The following EBLN1 variants were observed in gnomAD, a reference collection of about 807,000 sequenced individuals.
EBLN1 encodes the protein endogenous Bornavirus-like nucleoprotein 1.
In EBLN1, 1 loss-of-function variant was observed where a neutral mutation model predicts 0.8. The observed-to-expected ratio is 1.32, with a 90% CI of 0.47 to 6.26. EBLN1 has a LOEUF of 6.26. EBLN1 is among the 30% of genes most tolerant of loss of function. The pLI is 0.15. For synonymous variants in EBLN1, 158 were observed against 158.5 expected (o/e 1.00, Z 0.02); for missense variants, 396 against 447.9 (o/e 0.88, Z 1.05).
At position 22,208,794 on chromosome 10, in the gene EBLN1, C is replaced by G; in HGVS notation, c.*89G>C. ...GTCAGAGACAGACCAAGATTGAAAA[C>G]AATAGGCAACACTCAGATACTATTT... On this transcript the variant is annotated 3_prime_UTR_variant, in exon 3 of 3. Coordinates refer to ENST00000422359, the MANE Select transcript of EBLN1 (RefSeq NM_001394757.1). 1.5e-6 allele frequency: 2 copies of G among 1,354,756 alleles called. No homozygotes were observed. The highest frequency in any genetic ancestry group is 3.3e-5 in the South Asian group (2 of 61,100). The allele number at this position is 1,354,756 out of a possible 1,614,324, so 83.9% of individuals were successfully genotyped here.
chr10:22,216,863 T>C (rs957210456), intron 1 of EBLN1, among the ~76,000 whole-genome samples: 3 of 152,178 alleles, frequency 2.0e-5, no homozygotes, highest in African/African-American at 7.2e-5. Flanking sequence ...ATCTCTGTTT[T>C]GCCAAAATCC....
chr10:22,216,435 C>A (rs985295204), intron 1 of EBLN1, among the ~76,000 whole-genome samples: 3 of 152,056 alleles, frequency 2.0e-5, no homozygotes, highest in Admixed American at 2.0e-4. Context: ...TAATATATAA[C>A]CTACTTTGAA....
chr10:22,213,636 T>C (rs1834770966), intron 1 of EBLN1, among the ~76,000 whole-genome samples: 1 of 152,318 alleles, frequency 6.6e-6, no homozygotes, highest in East Asian at 1.9e-4. Context: ...GTGATTTGCA[T>C]AAAATGAGTA....
rs373130648 is a variant in EBLN1, at chr10:22,208,930, A to G, written c.1054T>C (p.Tyr352His). 1.3e-6 allele frequency: 2 copies of G among 1,535,698 alleles called. No individual in the cohort carries two copies. The highest frequency in any genetic ancestry group is 2.4e-5 in the South Asian group (2 of 84,058). ...KISRGSDMDP[Y>H]TLNILRGYGI... ...TAACCGCGAAGGATGTTAAGTGTAT[A>G]TGGATCCATGTCACTTCCTCTGGAG... The change falls in exon 3 of 3, where the codon TAT becomes CAT. Residue 352 changes from tyrosine (Y) to histidine (H), a missense_variant. Physicochemically the swap from Tyr to His is moderately conservative, Grantham distance 83 (BLOSUM62 2). Transcript: ENST00000422359.
chr10:22,212,125 A>T (rs1199374271), intron 2 of EBLN1, among the ~76,000 whole-genome samples: 1 of 152,186 alleles, frequency 6.6e-6, no homozygotes, highest in South Asian at 2.1e-4. Context: ...GCCATAAACC[A>T]CAATGTACTG....
intron 1 of EBLN1, among the ~76,000 whole-genome samples, chr10:22,217,595 A>G (rs1174844546): frequency 6.6e-6 from 1 of 152,228 alleles, no homozygotes; most frequent in Non-Finnish European, 1.5e-5. Context: ...ACGCAAGAAA[A>G]ATGGAAACAA....
At chr10:22,215,231 C>T (rs1477554959) in intron 1 of EBLN1, among the ~76,000 whole-genome samples, 2 of 152,110 alleles carry the variant, frequency 1.3e-5, no homozygotes, top group African/African-American at 2.4e-5. Flanking sequence ...GTGATGGTTG[C>T]ACAACCCTAT....
chr10:22,210,680 T>C (rs1001448761), intron 2 of EBLN1, among the ~76,000 whole-genome samples: 3 of 152,222 alleles, frequency 2.0e-5, no homozygotes, highest in Non-Finnish European at 2.9e-5. Flanking sequence ...GGCAGGAACA[T>C]ATTTCATTGT....
intron 1 of EBLN1, among the ~76,000 whole-genome samples, chr10:22,217,166 T>C (rs1314573878): frequency 1.3e-5 from 2 of 152,204 alleles, no homozygotes; most frequent in African/African-American, 4.8e-5. Flanking sequence ...CGCTCTGTTG[T>C]TCAGGCTGCA....
At chr10:22,217,200 A>G (rs779250028) in intron 1 of EBLN1, among the ~76,000 whole-genome samples, 3 of 152,150 alleles carry the variant, frequency 2.0e-5, no homozygotes, top group Non-Finnish European at 4.4e-5. Flanking sequence ...ATCTTGACTC[A>G]CTGCAACCTT....
chr10:22,209,397 A>G lies in EBLN1; in HGVS notation c.587T>C (p.Ile196Thr). ...SYNAGPAIDW[I>T]NSRPWVGGLM... is the part of the protein sequence containing the mutation. Reference sequence around the variant, plus strand: ...TCCTCCAACCCATGGTCTTGAGTTGATCCAATCTATAGCTGGCCCTGCATT... The same window carrying G: ...TCCTCCAACCCATGGTCTTGAGTTGGTCCAATCTATAGCTGGCCCTGCATT... Residue 196 changes from isoleucine (I) to threonine (T), a missense_variant, in exon 3 of 3, where the codon ATC becomes ACC. Transcript: ENST00000422359. 6.2e-7 allele frequency: 1 copy of G among 1,604,692 alleles called. No homozygotes were observed. The highest frequency in any genetic ancestry group is 8.5e-7 in the Non-Finnish European group (1 of 1,179,836).
In EBLN1 at chr10:22,208,886, T is replaced by C. The variant is rs1564322680; in HGVS notation, c.1098A>G (p.Glu366=). The C allele has an allele frequency of 6.6e-7, 1 of 1,520,316 alleles. No individual in the cohort carries two copies. The highest frequency in any genetic ancestry group is 8.8e-7 in the Non-Finnish European group (1 of 1,139,592). The allele number at this position is 1,520,316 out of a possible 1,614,324, so 94.2% of individuals were successfully genotyped here. Residue 366 remains glutamate (E), a synonymous_variant, in exon 3 of 3, where the codon GAA becomes GAG. Coordinates refer to ENST00000422359, the MANE Select transcript of EBLN1 (RefSeq NM_001394757.1). ...ILRGYGISGF[E] ...TAAGGATTAGTTCACGTATTTGTTA[T>C]TCAAATCCCGAAATCCCATAACCGC... is the stretch of plus-strand genomic sequence containing the variant.
At chr10:22,214,087 G>A (rs1316567393) in intron 1 of EBLN1, among the ~76,000 whole-genome samples, 1 of 152,046 alleles carries the variant, frequency 6.6e-6, no homozygotes, top group Non-Finnish European at 1.5e-5. Flanking sequence ...GAGAGGAAGT[G>A]TTAAGAAAAA....
intron 1 of EBLN1, among the ~76,000 whole-genome samples, chr10:22,213,250 T>C (rs185058284): frequency 2.8e-4 from 42 of 152,330 alleles, no homozygotes; most frequent in Admixed American, 1.2e-3. Flanking sequence ...CAGAAGATGA[T>C]ATAAAGTTAT....
intron 1 of EBLN1, among the ~76,000 whole-genome samples, chr10:22,213,741 C>G (rs546336440): frequency 1.3e-5 from 2 of 152,240 alleles, no homozygotes; most frequent in South Asian, 4.1e-4. Flanking sequence ...TGTCAAGTCT[C>G]TTGAAGTTTA....
intron 1 of EBLN1, among the ~76,000 whole-genome samples, chr10:22,214,505 G>GTT (rs5783785): frequency 0.32 from 48,775 of 151,432 alleles, 8,776 homozygotes; most frequent in African/African-American, 0.5. Context: ...AATGAAACAA[G>GTT]AGAAAATAAA....
In EBLN1 at chr10:22,209,445, CT is replaced by C; in HGVS notation, c.538del (p.Ser180ValfsTer5). On this transcript the variant is annotated frameshift_variant, in exon 3 of 3. Transcript: ENST00000422359. LOFTEE classifies it low-confidence loss of function (END_TRUNC). ...ATTATAGCTAATTAATAAATCAGCACTTTCACTATGCAAAGGTCTTCCAATG... is the reference window on the plus strand; with the variant it reads ...ATTATAGCTAATTAATAAATCAGCACTTCACTATGCAAAGGTCTTCCAATG... The part of the protein sequence containing the change: ...ISIGRPLHSE[S>X]ADLLISYNAG... The C allele has an allele frequency of 6.3e-7, 1 of 1,599,322 alleles. No homozygotes were observed. Among genetic ancestry groups the C allele is most frequent in the Non-Finnish European group, 8.5e-7 (1 of 1,179,720 alleles).
intron 2 of EBLN1, 104 bp from the exon 3 acceptor site, chr10:22,210,131 T>A (rs1588584856): frequency 9.3e-7 from 1 of 1,080,798 alleles, no homozygotes. Flanking sequence ...TTAGTAATAT[T>A]CAGTTTTTTA....
chr10:22,208,771 C>CA lies in EBLN1; in HGVS notation c.*111dup. 1 of 1,193,736 alleles carries CA rather than the reference C, an allele frequency of 8.4e-7. No individual in the cohort carries two copies. The highest frequency in any genetic ancestry group is 2.5e-4 in the Middle Eastern group (1 of 3,996). The allele number at this position is 1,193,736 out of a possible 1,614,324, so 73.9% of individuals were successfully genotyped here. A position where few individuals can be genotyped will look rare whatever the true frequency, so the allele number is the denominator to read the frequency against. On this transcript the variant is annotated 3_prime_UTR_variant, in exon 3 of 3. Coordinates refer to ENST00000422359, the MANE Select transcript of EBLN1 (RefSeq NM_001394757.1). ...ATTATAGAGAAGTTGCGATAGATGT[C>CA]AGAGACAGACCAAGATTGAAAACAA...
Sources: gnomAD v4.1 joint callset for allele counts (sites outside exome capture counted in the v4.1 genomes callset) on GRCh38, gnomAD v4.1.1 for gene constraint, MANE v1.5 for transcripts, NCBI Gene and HGNC (gene_info 2026-07-23, HGNC 2026-07-21) for gene names.